Variants in ZNF714 observed in about 807,000 individuals in gnomAD.
ZNF714 encodes the protein zinc finger protein 714.
Under a neutral mutation model 46.2 loss-of-function variants are expected in ZNF714, and 32 were observed. That is an observed-to-expected ratio of 0.69 (90% CI 0.52 to 0.93). ZNF714 has a LOEUF of 0.93. Ranked by LOEUF, ZNF714 falls within the 40% of genes least tolerant of loss-of-function variation. ZNF714 has a pLI of 0.00. For synonymous variants in ZNF714, 199 were observed against 213.1 expected (o/e 0.93, Z 0.58); for missense variants, 635 against 646.3 (o/e 0.98, Z 0.19).
In ZNF714 at chr19:21,118,010, G is replaced by A. The variant is rs538641628; in HGVS notation, c.1346G>A (p.Gly449Glu). 11 of 1,613,730 alleles carry A rather than the reference G, an allele frequency of 6.8e-6. No individual in the cohort carries two copies. Among genetic ancestry groups the A allele is most frequent in the African/African-American group, 1.3e-5 (1 of 74,998 alleles). ...ACTACACATAAGAGAATTCACACTG[G>A]AGAGAAACCCTACAAATGTGAAGAA... is the stretch of plus-strand genomic sequence containing the variant. ...NLTTHKRIHT[G>E]EKPYKCEECG... The change falls in exon 5 of 5, where the codon GGA (glycine) becomes GAA (glutamate). Residue 449 changes from glycine to glutamate, a missense_variant. Transcript: ENST00000456283.
At chr19:21,114,962 T>C (rs1266125378) in intron 4 of ZNF714, among the ~76,000 whole-genome samples, 2 of 152,166 alleles carry the variant, frequency 1.3e-5, no homozygotes, top group Admixed American at 1.3e-4. Flanking sequence ...TTGTTCCTCA[T>C]TTTCTCTTTT....
intron 2 of ZNF714, among the ~76,000 whole-genome samples, chr19:21,096,910 A>G (rs1969055411): frequency 6.6e-6 from 1 of 152,072 alleles, no homozygotes; most frequent in African/African-American, 2.4e-5. Flanking sequence ...TCTGTTGCCC[A>G]GGCTAGAGTG....
chr19:21,091,725 G>T (rs1191360889), intron 2 of ZNF714: 1 of 151,032 alleles, frequency 6.6e-6, no homozygotes, highest in Non-Finnish European at 1.5e-5. Context: ...ACTTTTCCTG[G>T]GTTGTACTTT....
At chr19:21,105,499 G>T (rs1969289463) in intron 4 of ZNF714, among the ~76,000 whole-genome samples, 1 of 151,974 alleles carries the variant, frequency 6.6e-6, no homozygotes, top group Non-Finnish European at 1.5e-5. Context: ...GAAGTATAGT[G>T]TAGTTAAATA....
intron 4 of ZNF714, among the ~76,000 whole-genome samples, chr19:21,109,919 T>C (rs1969412117): frequency 6.6e-6 from 1 of 152,174 alleles, no homozygotes; most frequent in South Asian, 2.1e-4. Context: ...GCAAAGTACA[T>C]GATGTTGTTC....
chr19:21,105,812 G>A (rs113978497), intron 4 of ZNF714, among the ~76,000 whole-genome samples: 10,782 of 151,930 alleles, frequency 0.071, 468 homozygotes, highest in Non-Finnish European at 0.086. Context: ...AAAATTAGCC[G>A]GGCGTGCTAG....
chr19:21,109,379 G>T (rs1039772090), intron 4 of ZNF714, among the ~76,000 whole-genome samples: 1 of 152,036 alleles, frequency 6.6e-6, no homozygotes, highest in Non-Finnish European at 1.5e-5. Context: ...CCCAAGCCCA[G>T]ATAGTTTTTT....
chr19:21,117,487 C>T lies in ZNF714; in HGVS notation c.823C>T (p.His275Tyr), dbSNP rs1599555962. 1 of 1,609,938 alleles carries T rather than the reference C, an allele frequency of 6.2e-7. No homozygotes were observed. The highest frequency in any genetic ancestry group is 1.3e-5 in the African/African-American group (1 of 74,786). ...TAACCACCCTTCAGCCCTTACTACA[C>T]ATAAGTTCATTCATGTTAAAGAAAA... The part of the protein sequence containing the change: ...AFNHPSALTT[H>Y]KFIHVKEKPY... Residue 275 changes from histidine (H) to tyrosine (Y), a missense_variant, in exon 5 of 5, where the codon CAT (histidine) becomes TAT (tyrosine). Physicochemically the swap from His to Tyr is moderately conservative, Grantham distance 83. Coordinates refer to ENST00000456283, the MANE Select transcript of ZNF714 (RefSeq NM_182515.4).
At chr19:21,114,408 C>T (rs80047036) in intron 4 of ZNF714, among the ~76,000 whole-genome samples, 8,685 of 147,524 alleles carry the variant, frequency 0.059, 610 homozygotes, top group African/African-American at 0.18. Context: ...TGCACTCGAA[C>T]CTAGGTGACA....
intron 4 of ZNF714, among the ~76,000 whole-genome samples, chr19:21,100,801 C>G (rs947351229): frequency 6.6e-6 from 1 of 152,126 alleles, no homozygotes; most frequent in South Asian, 2.1e-4. Context: ...ACCTCCACCT[C>G]CTGGGTTCAA....
chr19:21,103,732 C>A (rs1203249677), intron 4 of ZNF714, among the ~76,000 whole-genome samples: 3 of 151,958 alleles, frequency 2.0e-5, no homozygotes, highest in African/African-American at 4.8e-5. Flanking sequence ...TCCCTCTCTA[C>A]AAAAATTTTT....
At chr19:21,104,497 A>G (rs1855830492) in intron 4 of ZNF714, among the ~76,000 whole-genome samples, 1 of 151,970 alleles carries the variant, frequency 6.6e-6, no homozygotes, top group Admixed American at 6.6e-5. Context: ...CCAACAGTCA[A>G]CATAGTTTTA....
At chr19:21,092,521 A>G (rs1362353690) in intron 2 of ZNF714, among the ~76,000 whole-genome samples, 1 of 152,204 alleles carries the variant, frequency 6.6e-6, no homozygotes, top group Non-Finnish European at 1.5e-5. Flanking sequence ...CTGGGCCACT[A>G]TCTGTAAAAC....
intron 2 of ZNF714, among the ~76,000 whole-genome samples, chr19:21,084,365 T>A (rs1312388285): frequency 6.6e-6 from 1 of 151,952 alleles, no homozygotes; most frequent in Non-Finnish European, 1.5e-5. Flanking sequence ...TGTCCTATGG[T>A]CTTGTAGATG....
intron 4 of ZNF714, among the ~76,000 whole-genome samples, chr19:21,104,723 C>T (rs552318043): frequency 3.7e-4 from 56 of 152,050 alleles, no homozygotes; most frequent in African/African-American, 1.3e-3. Context: ...AACAATTCTC[C>T]TGCCTCAGCC....
In ZNF714 at chr19:21,083,580, C is replaced by T. The variant is rs562990596; in HGVS notation, c.-176-398C>T. On this transcript the variant is annotated intron_variant, in intron 1 of 4. Transcript: ENST00000456283. ...ATGCCAGCTTTTCCTCCCTAATTCA[C>T]GTTATCACCTGTTTGTCTTTTAGTG... Among the ~76,000 whole-genome samples, 7 of 152,242 alleles carry T rather than the reference C, an allele frequency of 4.6e-5. No homozygotes were observed. In the East Asian group the frequency reaches 1.4e-3, roughly 29 times the overall value.
At chr19:21,101,845 A>G (rs566971538) in intron 4 of ZNF714, among the ~76,000 whole-genome samples, 1 of 152,296 alleles carries the variant, frequency 6.6e-6, no homozygotes, top group South Asian at 2.1e-4. Context: ...TCTGTAGCCA[A>G]AACCAGGGGT....
At position 21,119,044 on chromosome 19, in the gene ZNF714, A is replaced by G. The variant is rs1969664720; in HGVS notation, c.*712A>G. 1 of 417,324 alleles carries G rather than the reference A, an allele frequency of 2.4e-6. No individual in the cohort carries two copies. 25.9% of individuals were successfully genotyped at this position (417,324 alleles called of 1,614,324 possible). Reference sequence around the variant, plus strand: ...GCCATTAATATATGTTCATATCTCAACACCAGATAGTTCATACTTAATAAA... The same window carrying G: ...GCCATTAATATATGTTCATATCTCAGCACCAGATAGTTCATACTTAATAAA... On this transcript the variant is annotated 3_prime_UTR_variant, in exon 5 of 5. Coordinates refer to ENST00000456283, the MANE Select transcript of ZNF714 (RefSeq NM_182515.4).
At chr19:21,102,624 G>A (rs1969208209) in intron 4 of ZNF714, among the ~76,000 whole-genome samples, 3 of 151,972 alleles carry the variant, frequency 2.0e-5, no homozygotes, top group Non-Finnish European at 4.4e-5. Context: ...TTTCTCATTA[G>A]TATGTTCTAT....
Sources: allele counts gnomAD v4.1 joint callset (sites outside exome capture counted in the v4.1 genomes callset), GRCh38; gene constraint gnomAD v4.1.1; transcripts MANE v1.5; gene names NCBI Gene and HGNC (gene_info 2026-07-23, HGNC 2026-07-21).